The following RELCH variants were observed in gnomAD, a reference collection of about 807,000 sequenced individuals.
RELCH encodes the protein RAB11 binding and LisH domain, coiled-coil and HEAT repeat containing, also known as RAB11-binding protein RELCH.
In RELCH, 41 loss-of-function variants were observed where a neutral mutation model predicts 150.3. The observed-to-expected ratio is 0.27, with a 90% CI of 0.21 to 0.35. RELCH has a LOEUF of 0.35. Ranked by LOEUF, RELCH falls within the 10% of genes least tolerant of loss-of-function variation. The pLI is 1.00. For synonymous variants in RELCH, 478 were observed against 531.8 expected (o/e 0.90, Z 1.39); for missense variants, 1,092 against 1,467.8 (o/e 0.74, Z 4.18).
intron 25 of RELCH, among the ~76,000 whole-genome samples, chr18:62,286,253 C>G (rs2044785549): frequency 6.6e-6 from 1 of 152,098 alleles, no homozygotes; most frequent in African/African-American, 2.4e-5. Context: ...TTTGTTGAGG[C>G]CTCAGCGTGC....
chr18:62,244,583 A>AAC (rs1035110938), intron 10 of RELCH, among the ~76,000 whole-genome samples, 181 bp from the exon 11 acceptor site: 8 of 152,224 alleles, frequency 5.3e-5, no homozygotes, highest in Non-Finnish European at 7.3e-5. Context: ...CTCCACAACC[A>AAC]ACACATAAAC....
chr18:62,296,188 A>G (rs1333618471), intron 27 of RELCH, among the ~76,000 whole-genome samples: 2 of 152,230 alleles, frequency 1.3e-5, no homozygotes. Context: ...ATTGTTTTAT[A>G]TATTTCAATA....
chr18:62,269,854 C>G (rs2043796146), intron 20 of RELCH, among the ~76,000 whole-genome samples: 1 of 152,126 alleles, frequency 6.6e-6, no homozygotes, highest in Non-Finnish European at 1.5e-5. Context: ...CTTTCACACA[C>G]AGTATCAGTT....
At chr18:62,224,107 A>G (rs975194297) in intron 5 of RELCH, among the ~76,000 whole-genome samples, 1 of 151,994 alleles carries the variant, frequency 6.6e-6, no homozygotes, top group Non-Finnish European at 1.5e-5. Flanking sequence ...TCCTAACGCT[A>G]TCCCTCCCCC....
At chr18:62,255,839 G>T (rs2042969192) in intron 13 of RELCH, among the ~76,000 whole-genome samples, 1 of 151,952 alleles carries the variant, frequency 6.6e-6, no homozygotes, top group East Asian at 1.9e-4. Context: ...TTGTATTGTT[G>T]GTGCAAAAGC....
intron 1 of RELCH, among the ~76,000 whole-genome samples, chr18:62,202,174 G>A (rs891164050): frequency 1.1e-4 from 17 of 152,170 alleles, no homozygotes; most frequent in African/African-American, 3.1e-4. Context: ...GAAATGCTCT[G>A]TAGTTAAAAT....
At position 62,266,569 on chromosome 18, in the gene RELCH, G is replaced by A. The variant is rs1017174417; in HGVS notation, c.2632-132G>A. 24 of 526,884 alleles carry A rather than the reference G, an allele frequency of 4.6e-5. 1 individual carries two copies. The South Asian group carries it at 7.3e-4, about 16-fold the overall frequency. The allele number at this position is 526,884 out of a possible 1,614,324, so 32.6% of individuals were successfully genotyped here. ...CATGATTAAGAATTATTACATTTCTGACCACTTAACTTAGTCATCTATAAA... is the reference window on the plus strand; with the variant it reads ...CATGATTAAGAATTATTACATTTCTAACCACTTAACTTAGTCATCTATAAA... On this transcript the variant is annotated intron_variant, in intron 18 of 28. Coordinates refer to ENST00000644646, the MANE Select transcript of RELCH (RefSeq NM_001346231.2).
At chr18:62,220,522 G>A (rs747611669) in intron 2 of RELCH, among the ~76,000 whole-genome samples, 5 of 151,440 alleles carry the variant, frequency 3.3e-5, no homozygotes, top group African/African-American at 7.3e-5. Context: ...ATTCACTAAC[G>A]TCTCTATACG....
chr18:62,287,522 A>G, intron 26 of RELCH, 55 bp downstream of exon 26: 1 of 915,802 alleles, frequency 1.1e-6, no homozygotes. Context: ...CTTAGAGTGG[A>G]ACTTGGTTGG....
At chr18:62,195,314 A>ATG (rs1568294633) in intron 1 of RELCH, among the ~76,000 whole-genome samples, 1 of 145,630 alleles carries the variant, frequency 6.9e-6, no homozygotes, top group East Asian at 2.0e-4. Flanking sequence ...GTGTGTGTGT[A>ATG]TACACTGTAT....
At chr18:62,251,266 C>A (rs1359703102) in intron 11 of RELCH, among the ~76,000 whole-genome samples, 1 of 152,172 alleles carries the variant, frequency 6.6e-6, no homozygotes, top group Non-Finnish European at 1.5e-5. Flanking sequence ...TCCGTTGGGG[C>A]TATAGTCATC....
intron 15 of RELCH, among the ~76,000 whole-genome samples, chr18:62,259,016 G>A (rs2144660177): frequency 6.6e-6 from 1 of 152,112 alleles, no homozygotes; most frequent in Non-Finnish European, 1.5e-5. Flanking sequence ...CCAGAATGCA[G>A]AGAAAATGAG....
At chr18:62,261,252 T>G (rs1387792232) in intron 15 of RELCH, among the ~76,000 whole-genome samples, 1 of 151,998 alleles carries the variant, frequency 6.6e-6, no homozygotes, top group Admixed American at 6.6e-5. Flanking sequence ...CTTATAAAAT[T>G]TCAAAAGATA....
At chr18:62,196,422 G>A (rs572789274) in intron 1 of RELCH, among the ~76,000 whole-genome samples, 7 of 152,122 alleles carry the variant, frequency 4.6e-5, no homozygotes, top group African/African-American at 1.7e-4. Flanking sequence ...TAGAGATTAG[G>A]TTTTGCCATG....
chr18:62,237,979 AT>A (rs1300193676), intron 10 of RELCH, among the ~76,000 whole-genome samples: 18 of 151,956 alleles, frequency 1.2e-4, no homozygotes, highest in African/African-American at 3.9e-4. Flanking sequence ...CAATTATAAT[AT>A]TTTTTAATTC....
rs1224196498 is a variant in RELCH, at chr18:62,308,061, A to G, written c.*2527A>G. The stretch of plus-strand genomic sequence containing the variant: ...ATAGCTTTTAGGATATGTCACTACT[A>G]TAGGATATGTCACTACTATACACTA... On this transcript the variant is annotated 3_prime_UTR_variant, in exon 29 of 29. Transcript: ENST00000644646. 2 of 152,176 alleles carry G rather than the reference A, an allele frequency of 1.3e-5. No homozygotes were observed. Among genetic ancestry groups the G allele is most frequent in the African/African-American group, 4.8e-5 (2 of 41,454 alleles). The allele number at this position is 152,176 out of a possible 1,614,324, so 9.4% of individuals were successfully genotyped here.
At chr18:62,200,778 A>T (rs772887780) in intron 1 of RELCH, among the ~76,000 whole-genome samples, 2 of 152,022 alleles carry the variant, frequency 1.3e-5, no homozygotes, top group African/African-American at 4.8e-5. Context: ...TCTGACGTTT[A>T]TAAATACAGT....
At chr18:62,298,102 G>A (rs919393447) in intron 27 of RELCH, among the ~76,000 whole-genome samples, 4 of 127,864 alleles carry the variant, frequency 3.1e-5, no homozygotes, top group Admixed American at 7.4e-5. Context: ...ATCCCCCCCC[G>A]TCTAAAAAGA....
At chr18:62,205,449 C>A (rs939526148) in intron 1 of RELCH, among the ~76,000 whole-genome samples, 4 of 152,158 alleles carry the variant, frequency 2.6e-5, no homozygotes. Flanking sequence ...ATTGCCTGTT[C>A]TAAAAACTTC....
Sources: allele counts gnomAD v4.1 joint callset (sites outside exome capture counted in the v4.1 genomes callset), GRCh38; gene constraint gnomAD v4.1.1; transcripts MANE v1.5; gene names NCBI Gene and HGNC (gene_info 2026-07-23, HGNC 2026-07-21).